XNDC1N: variants seen among roughly 807,000 people sequenced by gnomAD.
XNDC1N encodes the protein protein XNDC1N.
At chr11:71,917,886 A>C in the XNDC1N span, 21 of 629,602 alleles carry the variant, frequency 3.3e-5, no homozygotes, top group East Asian at 4.6e-4. Flanking sequence ...AAAGCCAGAA[A>C]GGTTCAGCGA....
the XNDC1N span, among the ~76,000 whole-genome samples, chr11:71,885,366 C>T: frequency 8.8e-4 from 134 of 152,200 alleles, no homozygotes; most frequent in African/African-American, 3.1e-3. Context: ...ATATATAGTC[C>T]TATCAGCCCC....
chr11:71,873,254 T>C, the XNDC1N span, among the ~76,000 whole-genome samples: 1 of 152,166 alleles, frequency 6.6e-6, no homozygotes, highest in Non-Finnish European at 1.5e-5. Flanking sequence ...TTGAAAACCA[T>C]AAATGTCCTT....
chr11:71,882,832 A>AT, the XNDC1N span, among the ~76,000 whole-genome samples: 1 of 152,084 alleles, frequency 6.6e-6, no homozygotes, highest in Non-Finnish European at 1.5e-5. Flanking sequence ...AAATGACATA[A>AT]TTTTTTTGTA....
the XNDC1N span, among the ~76,000 whole-genome samples, chr11:71,905,628 C>T: frequency 6.6e-6 from 1 of 151,960 alleles, no homozygotes. Flanking sequence ...TATAAGCTAT[C>T]ACATCACAGA....
At chr11:71,884,902 C>G in the XNDC1N span, among the ~76,000 whole-genome samples, 1 of 150,990 alleles carries the variant, frequency 6.6e-6, no homozygotes, top group African/African-American at 2.4e-5. Flanking sequence ...AAGAGCCAGC[C>G]CTTCTTGCCC....
At chr11:71,928,514 T>C in the XNDC1N span, 1 of 702,538 alleles carries the variant, frequency 1.4e-6, no homozygotes, top group Non-Finnish European at 2.6e-6. Context: ...TTCTGGGGCT[T>C]CAAGAAGCTG....
chr11:71,885,497 C>A, the XNDC1N span, among the ~76,000 whole-genome samples: 1 of 152,100 alleles, frequency 6.6e-6, no homozygotes, highest in South Asian at 2.1e-4. Context: ...TGGATGCACA[C>A]CCAGTGCTAT....
the XNDC1N span, among the ~76,000 whole-genome samples, chr11:71,891,756 G>A: frequency 2.0e-5 from 3 of 152,018 alleles, no homozygotes; most frequent in Non-Finnish European, 4.4e-5. Context: ...TGCGATATTG[G>A]GAGTAATAGC....
chr11:71,875,340 C>T, the XNDC1N span, among the ~76,000 whole-genome samples: 6 of 151,850 alleles, frequency 4.0e-5, no homozygotes, highest in African/African-American at 1.5e-4. Context: ...TTTAAGTGAT[C>T]AAGTAATGTG....
chr11:71,899,011 T>G, the XNDC1N span, among the ~76,000 whole-genome samples: 1 of 152,180 alleles, frequency 6.6e-6, no homozygotes, highest in Non-Finnish European at 1.5e-5. Flanking sequence ...ACACACTAGC[T>G]TTCTCCTGAT....
the XNDC1N span, among the ~76,000 whole-genome samples, chr11:71,883,345 A>G: frequency 1.0e-3 from 157 of 152,348 alleles, no homozygotes; most frequent in African/African-American, 3.4e-3. Context: ...AAAATGTATT[A>G]TAAAGATAGA....
the XNDC1N span, among the ~76,000 whole-genome samples, chr11:71,920,282 T>C: frequency 6.7e-6 from 1 of 150,060 alleles, no homozygotes; most frequent in Non-Finnish European, 1.5e-5. Context: ...TTAACCACCA[T>C]GATACGCTAT....
chr11:71,899,202 G>A, the XNDC1N span, among the ~76,000 whole-genome samples: 1 of 152,172 alleles, frequency 6.6e-6, no homozygotes, highest in African/African-American at 2.4e-5. Context: ...CAGCCCTGCA[G>A]TGTGGGGTTC....
chr11:71,910,481 G>A, the XNDC1N span, among the ~76,000 whole-genome samples: 1 of 152,148 alleles, frequency 6.6e-6, no homozygotes, highest in African/African-American at 2.4e-5. Flanking sequence ...GGGAGGCGTG[G>A]GCTCGAGACC....
At chr11:71,896,762 C>T in the XNDC1N span, among the ~76,000 whole-genome samples, 58 of 152,222 alleles carry the variant, frequency 3.8e-4, no homozygotes, top group African/African-American at 1.4e-3. Context: ...GGGGGTTTCT[C>T]CCTGTCGGTC....
At chr11:71,887,628 T>G in the XNDC1N span, among the ~76,000 whole-genome samples, 1,629 of 152,098 alleles carry the variant, frequency 0.011, no homozygotes, top group African/African-American at 0.037. Flanking sequence ...AGAGAAGCCC[T>G]TCAAGGTATC....
At chr11:71,906,793 G>A in the XNDC1N span, among the ~76,000 whole-genome samples, 1 of 152,082 alleles carries the variant, frequency 6.6e-6, no homozygotes, top group East Asian at 1.9e-4. Flanking sequence ...AAACTATAAC[G>A]AAAAATTTCA....
the XNDC1N span, chr11:71,917,372 C>T: frequency 3.3e-6 from 2 of 610,408 alleles, no homozygotes; most frequent in Non-Finnish European, 5.8e-6. Context: ...TACCGAACCA[C>T]AAGTTATATA....
At chr11:71,884,967 G>A in the XNDC1N span, among the ~76,000 whole-genome samples, 4 of 151,920 alleles carry the variant, frequency 2.6e-5, no homozygotes, top group East Asian at 7.7e-4. Flanking sequence ...CACGATGCAG[G>A]GAGTAAGAGC....
Sources: gnomAD v4.1 joint callset for allele counts (sites outside exome capture counted in the v4.1 genomes callset) on GRCh38, gnomAD v4.1.1 for gene constraint, MANE v1.5 for transcripts, NCBI Gene and HGNC (gene_info 2026-07-23, HGNC 2026-07-21) for gene names.